Variants in SLC14A2 observed in about 807,000 individuals in gnomAD.
SLC14A2 encodes urea transporter 2.
A neutral mutation model predicts 104.6 loss-of-function variants in SLC14A2; 91 were observed. The observed-to-expected ratio is 0.87, with a 90% CI of 0.73 to 1.04. The LOEUF is 1.04. Ranked by LOEUF, SLC14A2 falls within the 50% of genes least tolerant of loss-of-function variation. The pLI, the probability that SLC14A2 is intolerant of heterozygous loss-of-function variation, is 0.00. For synonymous variants in SLC14A2, 476 were observed against 466.4 expected, an observed-to-expected ratio of 1.02 and a Z score of -0.27; for missense variants, 1,189 against 1,156.0, an observed-to-expected ratio of 1.03 and a Z score of -0.41.
chr18:45,438,653 CTG>C (rs1338790687), intron 1 of SLC14A2, among the ~76,000 whole-genome samples: 1 of 152,170 alleles, frequency 6.6e-6, no homozygotes, highest in South Asian at 2.1e-4. Context: ...CTCAAACAAA[CTG>C]TGAATGAATT....
At chr18:45,226,598 T>C (rs1405307225) in intron 1 of SLC14A2, among the ~76,000 whole-genome samples, 1 of 144,192 alleles carries the variant, frequency 6.9e-6, no homozygotes, top group Non-Finnish European at 1.5e-5. Flanking sequence ...ATGTTCTCAC[T>C]CATAGGTGGG....
At chr18:45,501,380 AC>A (rs1334795433) in intron 2 of SLC14A2, among the ~76,000 whole-genome samples, 1 of 152,248 alleles carries the variant, frequency 6.6e-6, no homozygotes, top group Non-Finnish European at 1.5e-5. Context: ...TCGTCCACTT[AC>A]CAGCTTTGTG....
intron 2 of SLC14A2, among the ~76,000 whole-genome samples, chr18:45,583,980 A>G (rs73953211): frequency 0.017 from 2,567 of 152,336 alleles, 74 homozygotes; most frequent in African/African-American, 0.058. Context: ...TAATGTGTTT[A>G]TTTAGCCCAA....
At chr18:45,519,244 G>T (rs555844917) in intron 2 of SLC14A2, among the ~76,000 whole-genome samples, 1 of 152,280 alleles carries the variant, frequency 6.6e-6, no homozygotes, top group African/African-American at 2.4e-5. Flanking sequence ...CTGAATCCAT[G>T]TATAAATGAA....
At chr18:45,274,161 T>C (rs537168852) in intron 1 of SLC14A2, among the ~76,000 whole-genome samples, 96 of 152,224 alleles carry the variant, frequency 6.3e-4, no homozygotes, top group Non-Finnish European at 1.2e-3. Context: ...TCTGTTAGTG[T>C]GTGGGGGTAG....
chr18:45,650,808 C>T (rs1050709429), intron 10 of SLC14A2, among the ~76,000 whole-genome samples: 2 of 152,068 alleles, frequency 1.3e-5, no homozygotes, highest in Admixed American at 6.5e-5. Context: ...GGCACGATCT[C>T]GGCTCACTGA....
At chr18:45,628,597 C>T (rs1259078522) in intron 4 of SLC14A2, among the ~76,000 whole-genome samples, 1 of 152,164 alleles carries the variant, frequency 6.6e-6, no homozygotes, top group East Asian at 1.9e-4. Context: ...TTGGAAAGCA[C>T]TGGATTATCC....
rs146569273 is a variant in SLC14A2, at chr18:45,452,076, G to A, written c.-124-31157G>A. 1.1e-4 allele frequency among the ~76,000 whole-genome samples: 16 copies of A among 151,882 alleles called. No individual in the cohort carries two copies. The East Asian group carries it at 2.5e-3, about 24-fold the overall frequency. ...TACTCAAGAGTGGGGACAGCTGGGGGGATATCTGGTCACATGTCCCTTTGA... is the reference window on the plus strand; with the variant it reads ...TACTCAAGAGTGGGGACAGCTGGGGAGATATCTGGTCACATGTCCCTTTGA... On this transcript the variant is annotated intron_variant, in intron 1 of 20. Coordinates refer to the SLC14A2 transcript ENST00000586448.
intron 1 of SLC14A2, among the ~76,000 whole-genome samples, chr18:45,376,074 C>T (rs1339929927): frequency 6.6e-6 from 1 of 152,092 alleles, no homozygotes. Context: ...CCGACATGGA[C>T]ATTAACTAGC....
chr18:45,370,096 C>T (rs915102408), intron 1 of SLC14A2, among the ~76,000 whole-genome samples: 7 of 152,196 alleles, frequency 4.6e-5, no homozygotes, highest in Non-Finnish European at 1.0e-4. Flanking sequence ...TTTCCTTTCC[C>T]TGTTCCTGCC....
chr18:45,510,302 T>A (rs558371284), intron 2 of SLC14A2, among the ~76,000 whole-genome samples: 1 of 152,274 alleles, frequency 6.6e-6, no homozygotes, highest in East Asian at 1.9e-4. Context: ...CTGTCTGAGA[T>A]AAAGTAAACT....
chr18:45,330,806 T>G (rs1481033422), intron 1 of SLC14A2, among the ~76,000 whole-genome samples: 1 of 152,210 alleles, frequency 6.6e-6, no homozygotes, highest in Non-Finnish European at 1.5e-5. Context: ...GGATCAAGTC[T>G]TTCATTGACA....
At chr18:45,479,588 A>G (rs922274736) in intron 1 of SLC14A2, among the ~76,000 whole-genome samples, 2 of 152,188 alleles carry the variant, frequency 1.3e-5, no homozygotes, top group African/African-American at 4.8e-5. Context: ...CCTAGCACAC[A>G]GGAAATAGTG....
intron 1 of SLC14A2, among the ~76,000 whole-genome samples, chr18:45,481,161 G>A (rs1185153233): frequency 6.6e-6 from 1 of 152,070 alleles, no homozygotes; most frequent in African/African-American, 2.4e-5. Flanking sequence ...TTGGGATAAT[G>A]CAATCCCCAG....
chr18:45,342,480 C>T (rs1319819091), intron 1 of SLC14A2, among the ~76,000 whole-genome samples: 1 of 152,100 alleles, frequency 6.6e-6, no homozygotes, highest in East Asian at 1.9e-4. Context: ...TGAACACGGG[C>T]CAGTCCATGC....
In SLC14A2 at chr18:45,682,613, T is replaced by A. The variant is rs2046327836; in HGVS notation, c.*94T>A. The A allele has an allele frequency of 9.8e-7, 1 of 1,019,146 alleles. No homozygotes were observed. Among genetic ancestry groups the A allele is most frequent in the Non-Finnish European group, 1.5e-6 (1 of 647,558 alleles). The allele number at this position is 1,019,146 out of a possible 1,614,324, so 63.1% of individuals were successfully genotyped here. On this transcript the variant is annotated 3_prime_UTR_variant, in exon 20 of 20. Coordinates refer to ENST00000255226, the MANE Select transcript of SLC14A2 (RefSeq NM_007163.4). ...AGACCACTTAGCCTTCCCTTTGGTC[T>A]GTTCTGTGACTCTCTCCCCAAACAC...
intron 1 of SLC14A2, among the ~76,000 whole-genome samples, chr18:45,300,031 T>G (rs549014572): frequency 1.6e-4 from 24 of 152,244 alleles, no homozygotes; most frequent in Admixed American, 6.5e-5. Flanking sequence ...AGAAGGAGCC[T>G]CTCAGACATC....
intron 1 of SLC14A2, among the ~76,000 whole-genome samples, chr18:45,290,766 A>C (rs1442136319): frequency 6.6e-6 from 1 of 151,594 alleles, no homozygotes; most frequent in Non-Finnish European, 1.5e-5. Flanking sequence ...TATTAATTTC[A>C]TCTGTTTATT....
intron 1 of SLC14A2, among the ~76,000 whole-genome samples, chr18:45,383,792 A>T (rs554449265): frequency 6.6e-6 from 1 of 152,130 alleles, no homozygotes; most frequent in African/African-American, 2.4e-5. Context: ...TCTGAAAAAT[A>T]ACCTTGCATG....
Sources: allele counts gnomAD v4.1 joint callset (sites outside exome capture counted in the v4.1 genomes callset), GRCh38; gene constraint gnomAD v4.1.1; transcripts MANE v1.5; gene names NCBI Gene and HGNC (gene_info 2026-07-23, HGNC 2026-07-21).